Variants in TMC5 observed in about 807,000 individuals in gnomAD.
The protein encoded by TMC5 is transmembrane channel-like protein 5.
A neutral mutation model predicts 110.5 loss-of-function variants in TMC5; 86 were observed. The ratio of observed to expected loss-of-function variants is 0.78; its 90% CI spans 0.65 to 0.93. The LOEUF (loss-of-function observed/expected upper bound fraction) is 0.93. TMC5 is among the 40% of genes least tolerant of loss of function. The pLI is 0.00. For synonymous variants in TMC5, 455 were observed against 439.5 expected, an observed-to-expected ratio of 1.04 and a Z score of -0.44; for missense variants, 1,144 against 1,222.8, an observed-to-expected ratio of 0.94 and a Z score of 0.96.
At position 19,490,488 on chromosome 16, in the gene TMC5, T is replaced by A; in HGVS notation, c.2667T>A (p.Pro889=). 6.2e-7 allele frequency: 1 copy of A among 1,614,164 alleles called. No individual in the cohort carries two copies. Among genetic ancestry groups the A allele is most frequent in the Non-Finnish European group, 8.5e-7 (1 of 1,180,024 alleles). Residue 889 remains proline (P), a synonymous_variant, in exon 18 of 22, where the codon CCT becomes CCA. Coordinates refer to ENST00000542583, the MANE Select transcript of TMC5 (RefSeq NM_001261841.2). The part of the protein sequence containing the change: ...YSWIDTLSTR[P]GYLWVVWIYR... Reference sequence around the variant, plus strand: ...GGATCGACACCCTAAGTACACGGCCTGGCTACCTGTGGGTTGTTTGGATCT... The same window carrying A: ...GGATCGACACCCTAAGTACACGGCCAGGCTACCTGTGGGTTGTTTGGATCT...
intron 19 of TMC5, among the ~76,000 whole-genome samples, chr16:19,492,514 C>T (rs188278969): frequency 5.3e-5 from 8 of 151,588 alleles, no homozygotes; most frequent in Non-Finnish European, 7.4e-5. Flanking sequence ...GGTGCAATCT[C>T]GGCTCACGGC....
intron 1 of TMC5, among the ~76,000 whole-genome samples, chr16:19,429,573 C>G (rs1188307826): frequency 3.9e-5 from 6 of 152,306 alleles, no homozygotes; most frequent in African/African-American, 1.2e-4. Flanking sequence ...TGACCTGGTG[C>G]TCTGGCAACC....
chr16:19,443,280 C>T (rs1967531783), intron 3 of TMC5, among the ~76,000 whole-genome samples: 1 of 152,200 alleles, frequency 6.6e-6, no homozygotes, highest in Admixed American at 6.5e-5. Context: ...CATTACTCAT[C>T]AGTTGATTTT....
Position 19,462,608 on chromosome 16 carries a change from C to T in TMC5, c.1149-672C>T, listed in dbSNP as rs1226043609. 3 of 688,474 alleles carry T rather than the reference C, an allele frequency of 4.4e-6. No individual in the cohort carries two copies. The Admixed American group carries it at 6.1e-5, about 14-fold the overall frequency. The allele number at this position is 688,474 out of a possible 1,614,324, so 42.6% of individuals were successfully genotyped here. On this transcript the variant is annotated intron_variant, in intron 6 of 21. Coordinates refer to ENST00000542583, the MANE Select transcript of TMC5 (RefSeq NM_001261841.2). The stretch of plus-strand genomic sequence containing the variant: ...TGCAGGGGAACTGCCCTTTATAAAA[C>T]CATCAGATCGGCTGGGTGTGGTGGC...
intron 2 of TMC5, among the ~76,000 whole-genome samples, chr16:19,431,533 C>T (rs1020929441): frequency 6.7e-6 from 1 of 149,194 alleles, no homozygotes; most frequent in African/African-American, 2.5e-5. Flanking sequence ...CAGGAGGGAC[C>T]TTCCATCTCA....
intron 20 of TMC5, among the ~76,000 whole-genome samples, chr16:19,496,405 A>G (rs1969054293): frequency 6.6e-6 from 1 of 152,198 alleles, no homozygotes; most frequent in African/African-American, 2.4e-5. Context: ...TTATGTTGGA[A>G]ATTGTGATCT....
At chr16:19,471,154 T>C (rs1488937427) in intron 10 of TMC5, among the ~76,000 whole-genome samples, 1 of 152,142 alleles carries the variant, frequency 6.6e-6, no homozygotes, top group East Asian at 1.9e-4. Context: ...AGTGGTGCAA[T>C]CATAATTCAC....
intron 6 of TMC5, among the ~76,000 whole-genome samples, chr16:19,460,609 A>C (rs1300912382): frequency 1.3e-5 from 2 of 152,048 alleles, no homozygotes; most frequent in Admixed American, 1.3e-4. Context: ...TCCAGTGGAG[A>C]GTCTGCCTAA....
At chr16:19,470,721 TAAAAAAAAAAA>T (rs60087070) in intron 10 of TMC5, among the ~76,000 whole-genome samples, 1 of 41,306 alleles carries the variant, frequency 2.4e-5, no homozygotes, top group African/African-American at 7.9e-5. Context: ...ACAAACTTAT[TAAAAAAAAAAA>T]AAAAAAAAAA....
At chr16:19,436,510 G>A (rs1967353691) in intron 2 of TMC5, among the ~76,000 whole-genome samples, 1 of 152,130 alleles carries the variant, frequency 6.6e-6, no homozygotes, top group African/African-American at 2.4e-5. Context: ...GTAAACAAAT[G>A]CGATAATTTT....
At chr16:19,453,227 G>A (rs1967789976) in intron 5 of TMC5, among the ~76,000 whole-genome samples, 1 of 152,014 alleles carries the variant, frequency 6.6e-6, no homozygotes, top group Admixed American at 6.6e-5. Context: ...GCTGAGGCAG[G>A]TAGATCACTT....
At chr16:19,465,043 CTTT>C in intron 8 of TMC5, among the ~76,000 whole-genome samples, 4 of 102,044 alleles carry the variant, frequency 3.9e-5, no homozygotes, top group African/African-American at 2.0e-4. Context: ...TTCTTTCTTT[CTTT>C]CTTTCTTTCT....
intron 9 of TMC5, among the ~76,000 whole-genome samples, chr16:19,469,104 C>T (rs553344227): frequency 6.6e-6 from 1 of 152,250 alleles, no homozygotes; most frequent in African/African-American, 2.4e-5. Context: ...TGGTCATTTG[C>T]TATAGCAGCA....
chr16:19,452,723 T>C (rs9924242), intron 5 of TMC5, among the ~76,000 whole-genome samples: 23,551 of 152,086 alleles, frequency 0.15, 4,094 homozygotes, highest in African/African-American at 0.44. Context: ...CCCAGAAAGC[T>C]GTGTCTGTTC....
At chr16:19,491,610 A>G (rs1326130656) in intron 18 of TMC5, among the ~76,000 whole-genome samples, 2 of 147,260 alleles carry the variant, frequency 1.4e-5, no homozygotes, top group Non-Finnish European at 3.0e-5. Context: ...ATCTCAGCAC[A>G]CTGCAAGTTC....
At chr16:19,424,134 C>T (rs918398783) in intron 1 of TMC5, among the ~76,000 whole-genome samples, 2 of 152,212 alleles carry the variant, frequency 1.3e-5, no homozygotes, top group African/African-American at 4.8e-5. Flanking sequence ...CGCCACAAGA[C>T]TGCCTCCCAA....
At chr16:19,484,411 C>G (rs995432698) in intron 15 of TMC5, among the ~76,000 whole-genome samples, 4 of 152,228 alleles carry the variant, frequency 2.6e-5, no homozygotes, top group Admixed American at 1.3e-4. Context: ...TACTTAAACT[C>G]TCTCCAAACC....
At chr16:19,461,742 A>G (rs954118138) in intron 6 of TMC5, among the ~76,000 whole-genome samples, 6 of 152,030 alleles carry the variant, frequency 3.9e-5, no homozygotes, top group Non-Finnish European at 8.8e-5. Flanking sequence ...TATAGTTGGC[A>G]GAAAGTAGTA....
At chr16:19,495,837 T>G (rs1350705718) in intron 20 of TMC5, among the ~76,000 whole-genome samples, 1 of 151,650 alleles carries the variant, frequency 6.6e-6, no homozygotes, top group African/African-American at 2.4e-5. Context: ...AGACCCTCTC[T>G]CTAAAAAAAA....
Sources: allele counts gnomAD v4.1 joint callset (sites outside exome capture counted in the v4.1 genomes callset), GRCh38; gene constraint gnomAD v4.1.1; transcripts MANE v1.5; gene names NCBI Gene and HGNC (gene_info 2026-07-23, HGNC 2026-07-21).